The following AFG3L2 variants were observed in gnomAD, a reference collection of about 807,000 sequenced individuals.
AFG3L2 encodes AFG3 like matrix AAA peptidase subunit 2, also known as mitochondrial inner membrane m-AAA protease component AFG3L2.
Under a neutral mutation model 94.5 loss-of-function variants are expected in AFG3L2, and 54 were observed. The ratio of observed to expected loss-of-function variants is 0.57; its 90% CI spans 0.46 to 0.72. The LOEUF (loss-of-function observed/expected upper bound fraction) is 0.72, where lower values mean the gene tolerates loss of function less well. Ranked by LOEUF, AFG3L2 falls within the 30% of genes least tolerant of loss-of-function variation. The pLI is 0.00. For missense variants in AFG3L2, 754 were observed against 994.9 expected, an observed-to-expected ratio of 0.76 and a Z score of 3.26; for synonymous variants, 377 against 365.5, an observed-to-expected ratio of 1.03 and a Z score of -0.36.
intron 7 of AFG3L2, 103 bp downstream of exon 7, chr18:12,359,824 G>A: frequency 2.1e-6 from 3 of 1,449,688 alleles, no homozygotes; most frequent in Non-Finnish European, 2.9e-6. Flanking sequence ...ACTGATAAAG[G>A]CCTGTTTGAG....
chr18:12,329,632 A>G lies in AFG3L2; in HGVS notation c.2327T>C (p.Leu776Pro), dbSNP rs1568130466. 1 of 1,614,110 alleles carries G rather than the reference A, an allele frequency of 6.2e-7. No individual in the cohort carries two copies. The highest frequency in any genetic ancestry group is 8.5e-7 in the Non-Finnish European group (1 of 1,180,018). Residue 776 changes from leucine to proline, a missense_variant, in exon 17 of 17, where the codon CTT (leucine) becomes CCT (proline). Physicochemically the swap from Leu to Pro is moderately conservative, Grantham distance 98. Coordinates refer to ENST00000269143, the MANE Select transcript of AFG3L2 (RefSeq NM_006796.3). Reference sequence around the variant, plus strand: ...TTCCCGCTCCTTGTTCCAGTCCTTAAGGCCTTCTGGAAGTGAGGTGTCCTC... The same window carrying G: ...TTCCCGCTCCTTGTTCCAGTCCTTAGGGCCTTCTGGAAGTGAGGTGTCCTC... ...LDEDTSLPEG[L>P]KDWNKEREKE...
At chr18:12,360,965 C>T (rs1442224063) in intron 6 of AFG3L2, among the ~76,000 whole-genome samples, 1 of 152,234 alleles carries the variant, frequency 6.6e-6, no homozygotes, top group Non-Finnish European at 1.5e-5. Context: ...ATTTCAAGCA[C>T]TGTGCATGTA....
intron 9 of AFG3L2, among the ~76,000 whole-genome samples, chr18:12,354,126 A>ACCCCCCCCCCCCCCCCCC (rs1568140579): frequency 3.0e-5 from 2 of 66,562 alleles, no homozygotes; most frequent in African/African-American, 8.6e-5. Context: ...CCACCTGCCC[A>ACCCCCCCCCCCCCCCCCC]CTCCCACCCC....
chr18:12,369,859 A>G (rs2143227894), intron 3 of AFG3L2, among the ~76,000 whole-genome samples: 1 of 151,822 alleles, frequency 6.6e-6, no homozygotes, highest in East Asian at 1.9e-4. Context: ...GATGGAGACC[A>G]TCCTGGCTAA....
chr18:12,367,574 T>C (rs898943862), intron 3 of AFG3L2, among the ~76,000 whole-genome samples, 192 bp from the exon 4 acceptor site: 1 of 152,232 alleles, frequency 6.6e-6, no homozygotes, highest in Non-Finnish European at 1.5e-5. Flanking sequence ...CCAAGGGCTA[T>C]ACTTGCATCA....
chr18:12,334,189 C>G (rs1017551604), intron 16 of AFG3L2, among the ~76,000 whole-genome samples: 3 of 152,234 alleles, frequency 2.0e-5, no homozygotes, highest in African/African-American at 7.2e-5. Context: ...CTGGCTGGCT[C>G]TGCAGTATTC....
chr18:12,332,488 T>A (rs958976261), intron 16 of AFG3L2, among the ~76,000 whole-genome samples: 2 of 152,164 alleles, frequency 1.3e-5, no homozygotes, highest in Admixed American at 1.3e-4. Flanking sequence ...TATAAAATTA[T>A]GAAAGTTTTG....
intron 8 of AFG3L2, among the ~76,000 whole-genome samples, chr18:12,357,365 T>C (rs1467759852): frequency 6.6e-6 from 1 of 152,154 alleles, no homozygotes; most frequent in Non-Finnish European, 1.5e-5. Context: ...TTCCACTGAC[T>C]ACCCACAAAC....
chr18:12,373,871 T>C (rs948445684), intron 1 of AFG3L2, among the ~76,000 whole-genome samples: 1 of 152,012 alleles, frequency 6.6e-6, no homozygotes, highest in African/African-American at 2.4e-5. Flanking sequence ...ACCAAGACAC[T>C]CATGAGAGCT....
intron 9 of AFG3L2, among the ~76,000 whole-genome samples, chr18:12,355,544 CCATT>C (rs1309521980): frequency 6.6e-6 from 1 of 152,010 alleles, no homozygotes. Flanking sequence ...CATGGAGTTA[CCATT>C]CAAAAACATG....
intron 16 of AFG3L2, among the ~76,000 whole-genome samples, chr18:12,336,091 A>G (rs1372771196): frequency 6.6e-6 from 1 of 152,212 alleles, no homozygotes; most frequent in Non-Finnish European, 1.5e-5. Context: ...GGAGGAATTT[A>G]TAGTTTAAAT....
At chr18:12,369,711 C>CA (rs1209554607) in intron 3 of AFG3L2, among the ~76,000 whole-genome samples, 4,192 of 89,498 alleles carry the variant, frequency 0.047, 167 homozygotes, top group African/African-American at 0.14. Flanking sequence ...GACCCCTCCT[C>CA]AAAAAAAAAA....
At chr18:12,339,479 G>A (rs534775666) in intron 15 of AFG3L2, among the ~76,000 whole-genome samples, 3 of 149,866 alleles carry the variant, frequency 2.0e-5, no homozygotes, top group African/African-American at 7.4e-5. Context: ...TTGAACCCAG[G>A]AGGCAGAGGT....
rs1184166533 is a variant in AFG3L2, at chr18:12,337,340, C to A, written c.2175+1G>T. 1.9e-6 allele frequency: 3 copies of A among 1,613,634 alleles called. No homozygotes were observed. The African/African-American group carries it at 4.0e-5, about 22-fold the overall frequency. On this transcript the variant is annotated splice_donor_variant, in intron 16 of 16. Coordinates refer to ENST00000269143, the MANE Select transcript of AFG3L2 (RefSeq NM_006796.3). LOFTEE classifies it high-confidence loss of function. The stretch of plus-strand genomic sequence containing the variant: ...GAATTATTCCCACAACTGGCACCTA[C>A]CTTCTCCACGTCAGCTTTCTTTTCT...
chr18:12,356,174 C>T (rs1448697307), intron 9 of AFG3L2, among the ~76,000 whole-genome samples: 1 of 135,760 alleles, frequency 7.4e-6, no homozygotes, highest in Non-Finnish European at 1.6e-5. Flanking sequence ...TTTTTTGAGA[C>T]AGCGTCTCAC....
rs374353312 is a variant in AFG3L2 at position 12,358,917 on chromosome 18, G to A, written c.779C>T (p.Thr260Met). The change falls in exon 8 of 17, where the codon ACG becomes ATG. Residue 260 changes from threonine (T) to methionine (M), a missense_variant. Around this residue, in one of 4 missense-constraint regions of AFG3L2, gnomAD observed 130 missense variants for 175.1 expected, o/e 0.74. Coordinates refer to ENST00000269143, the MANE Select transcript of AFG3L2 (RefSeq NM_006796.3). ...DGSFLLSMLP[T>M]VLIIAFLLYT... Reference sequence around the variant, plus strand: ...GAGCAAGAAGGCGATGATGAGCACCGTAGGCAGCATGCTCAGCAGAAAAGA... The same window carrying A: ...GAGCAAGAAGGCGATGATGAGCACCATAGGCAGCATGCTCAGCAGAAAAGA... 5.0e-6 allele frequency: 8 copies of A among 1,613,754 alleles called. No individual in the cohort carries two copies. Among genetic ancestry groups the A allele is most frequent in the African/African-American group, 1.3e-5 (1 of 74,906 alleles).
chr18:12,373,942 G>A (rs935868081), intron 1 of AFG3L2, among the ~76,000 whole-genome samples: 2 of 152,126 alleles, frequency 1.3e-5, no homozygotes, highest in Non-Finnish European at 2.9e-5. Context: ...CCACGATGGG[G>A]AACAAATTTC....
At chr18:12,334,549 C>G (rs997445803) in intron 16 of AFG3L2, among the ~76,000 whole-genome samples, 1 of 152,134 alleles carries the variant, frequency 6.6e-6, no homozygotes, top group African/African-American at 2.4e-5. Context: ...GAGACCAAAC[C>G]GTTTATCACT....
intron 16 of AFG3L2, among the ~76,000 whole-genome samples, chr18:12,334,367 G>A (rs1907678125): frequency 6.6e-6 from 1 of 152,132 alleles, no homozygotes; most frequent in African/African-American, 2.4e-5. Context: ...TGGGAGAACT[G>A]GGGAGATTCT....
Sources: gnomAD v4.1 joint callset for allele counts (sites outside exome capture counted in the v4.1 genomes callset) on GRCh38, gnomAD v4.1.1 for gene constraint, gnomAD v4.1.1 regional missense constraint, MANE v1.5 for transcripts, NCBI Gene and HGNC (gene_info 2026-07-23, HGNC 2026-07-21) for gene names.